Variants in MCM5 observed in about 807,000 individuals in gnomAD.
MCM5 encodes DNA replication licensing factor MCM5.
Under a neutral mutation model 79.9 loss-of-function variants are expected in MCM5, and 46 were observed. The observed-to-expected ratio is 0.58, with a 90% CI of 0.45 to 0.74. MCM5 has a LOEUF of 0.74. MCM5 is among the 30% of genes least tolerant of loss of function. MCM5 has a pLI of 0.00. For synonymous variants in MCM5, 404 were observed against 390.5 expected, an observed-to-expected ratio of 1.03 and a Z score of -0.41; for missense variants, 883 against 1,017.0, an observed-to-expected ratio of 0.87 and a Z score of 1.79.
intron 11 of MCM5, 46 bp from the exon 12 acceptor site, chr22:35,416,592 C>A: frequency 1.4e-6 from 2 of 1,454,858 alleles, no homozygotes; most frequent in Non-Finnish European, 1.9e-6. Context: ...TATAAGAAGG[C>A]ATCTTTGCCA....
chr22:35,413,688 C>A (rs1932454239), intron 8 of MCM5, among the ~76,000 whole-genome samples, 187 bp from the exon 9 acceptor site: 1 of 152,186 alleles, frequency 6.6e-6, no homozygotes, highest in South Asian at 2.1e-4. Flanking sequence ...GCAAGACCTA[C>A]CATGGTTTGG....
In MCM5 at chr22:35,417,827, G is replaced by A. The variant is rs762695840; in HGVS notation, c.1674G>A (p.Lys558=). The change falls in exon 13 of 17, where the codon AAG becomes AAA. Residue 558 remains lysine, a synonymous_variant. Transcript: ENST00000216122. The part of the protein sequence containing the change: ...QAVEGEIDLA[K]LKKFIAYCRV... Reference sequence around the variant, plus strand: ...TGGAGGGCGAGATTGACCTGGCCAAGCTGAAGAAGTTTATTGCCTACTGCC... The same window carrying A: ...TGGAGGGCGAGATTGACCTGGCCAAACTGAAGAAGTTTATTGCCTACTGCC... 4 of 1,614,172 alleles carry A rather than the reference G, an allele frequency of 2.5e-6. No individual in the cohort carries two copies. In the East Asian group the frequency reaches 8.9e-5, roughly 36 times the overall value.
At chr22:35,453,819 T>TATATATATAGAGAGAGAG in the MCM5 span, among the ~76,000 whole-genome samples, 41 of 81,532 alleles carry the variant, frequency 5.0e-4, 1 homozygote, top group African/African-American at 2.1e-3. Flanking sequence ...TATATATATA[T>TATATATATAGAGAGAGAG]AGAGAGAGAG....
At chr22:35,437,664 C>A in the MCM5 span, among the ~76,000 whole-genome samples, 1 of 152,100 alleles carries the variant, frequency 6.6e-6, no homozygotes, top group Non-Finnish European at 1.5e-5. Context: ...GGAAAGAAGA[C>A]GGGTTACAGA....
rs1260295912 is a variant in MCM5, at chr22:35,408,560, A to G, written c.749A>G (p.Asp250Gly). 8.7e-6 allele frequency: 14 copies of G among 1,606,578 alleles called. No homozygotes were observed. Among genetic ancestry groups the G allele is most frequent in the Non-Finnish European group, 1.7e-6 (2 of 1,173,930 alleles). Reference protein sequence around the residue: ...EMPRHMQLYCDRYLCDKVVPG... With the variant: ...EMPRHMQLYCGRYLCDKVVPG... ...CCCAGACACATGCAGCTCTACTGCG[A>G]CAGGTGAGGCAGACGGGCTGGGAGG... Residue 250 changes from aspartate to glycine, a missense_variant, in exon 6 of 17, where the codon GAC (aspartate) becomes GGC (glycine). Around this residue, in one of 3 missense-constraint regions of MCM5, gnomAD observed 455 missense variants for 517.5 expected, o/e 0.88. Coordinates refer to ENST00000216122, the MANE Select transcript of MCM5 (RefSeq NM_006739.4).
the MCM5 span, among the ~76,000 whole-genome samples, chr22:35,437,653 G>A: frequency 6.6e-6 from 1 of 152,184 alleles, no homozygotes; most frequent in Non-Finnish European, 1.5e-5. Flanking sequence ...AGATGAAAGA[G>A]GGAAAGAAGA....
intron 13 of MCM5, among the ~76,000 whole-genome samples, chr22:35,419,294 C>T (rs1483898454): frequency 6.6e-6 from 1 of 152,174 alleles, no homozygotes; most frequent in African/African-American, 2.4e-5. Flanking sequence ...GCTTTCCCTA[C>T]ATCAGTGACT....
the MCM5 span, among the ~76,000 whole-genome samples, chr22:35,448,008 AAAC>A: frequency 6.6e-6 from 1 of 152,140 alleles, no homozygotes; most frequent in Non-Finnish European, 1.5e-5. Flanking sequence ...AAACTACAAG[AAAC>A]AACAACGCCC....
intron 13 of MCM5, among the ~76,000 whole-genome samples, chr22:35,419,325 G>A (rs553972670): frequency 6.6e-6 from 1 of 152,314 alleles, no homozygotes; most frequent in East Asian, 1.9e-4. Context: ...CTGGGGGCTA[G>A]AGGGGAGGGG....
chr22:35,449,957 CT>C, the MCM5 span, among the ~76,000 whole-genome samples: 7 of 151,982 alleles, frequency 4.6e-5, no homozygotes, highest in African/African-American at 1.4e-4. Flanking sequence ...AATTAAAAAT[CT>C]TTTTTTGTAA....
At chr22:35,440,783 T>C in the MCM5 span, among the ~76,000 whole-genome samples, 1 of 151,900 alleles carries the variant, frequency 6.6e-6, no homozygotes, top group East Asian at 1.9e-4. Flanking sequence ...CCTGCCTGGG[T>C]GTGGTGGCTC....
At position 35,408,521 on chromosome 22, in the gene MCM5, C is replaced by T. The variant is rs1297692045; in HGVS notation, c.710C>T (p.Pro237Leu). The change falls in exon 6 of 17, where the codon CCC becomes CTC. Residue 237 changes from proline to leucine, a missense_variant. Physicochemically the swap from Pro to Leu is moderately conservative, Grantham distance 98 (BLOSUM62 -3). Coordinates refer to ENST00000216122, the MANE Select transcript of MCM5 (RefSeq NM_006739.4). ...CTGCAGGAGCTGCCTGATGCAGTCC[C>T]CCACGGGGAGATGCCCAGACACATG... ...LKLQELPDAVPHGEMPRHMQL... is the reference protein window; with the variant it reads ...LKLQELPDAVLHGEMPRHMQL... The T allele has an allele frequency of 1.9e-6, 3 of 1,614,028 alleles. No individual in the cohort carries two copies. The highest frequency in any genetic ancestry group is 2.5e-6 in the Non-Finnish European group (3 of 1,180,004).
chr22:35,438,916 TATTCATCCATCCATCCATCC>T, the MCM5 span, among the ~76,000 whole-genome samples: 1 of 98,702 alleles, frequency 1.0e-5, no homozygotes, highest in Non-Finnish European at 2.0e-5. Flanking sequence ...TCCACTCACA[TATTCATCCATCCATCCATCC>T]ATTCATCCAT....
the MCM5 span, among the ~76,000 whole-genome samples, chr22:35,437,204 A>G: frequency 1.4e-5 from 2 of 141,140 alleles, no homozygotes; most frequent in Non-Finnish European, 3.1e-5. Flanking sequence ...AGTGCCCCGA[A>G]CATACTGGGT....
At chr22:35,408,344 G>T (rs2145788089) in intron 5 of MCM5, 64 bp from the exon 6 acceptor site, 5 of 1,507,938 alleles carry the variant, frequency 3.3e-6, no homozygotes, top group Middle Eastern at 1.7e-4. Flanking sequence ...CTCCTGGGAT[G>T]AATGAGCCCT....
At position 35,406,010 on chromosome 22, in the gene MCM5, C is replaced by T. The variant is rs550663543; in HGVS notation, c.424-543C>T. 3.2e-5 allele frequency among the ~76,000 whole-genome samples: 4 copies of T among 124,868 alleles called. No homozygotes were observed. In the South Asian group the frequency reaches 1.0e-3, roughly 31 times the overall value. 81.9% of individuals were successfully genotyped at this position (124,868 alleles called of 152,430 possible). ...TTGGCGACACAGCAAGACTCTGTCT[C>T]AAAAAAAAAAAAAGAAAAAAGAAAA... On this transcript the variant is annotated intron_variant, in intron 4 of 16. Coordinates refer to ENST00000216122, the MANE Select transcript of MCM5 (RefSeq NM_006739.4).
At chr22:35,419,406 C>T (rs562701747) in intron 13 of MCM5, among the ~76,000 whole-genome samples, 1 of 152,196 alleles carries the variant, frequency 6.6e-6, no homozygotes, top group Non-Finnish European at 1.5e-5. Flanking sequence ...GTGCTCCCAG[C>T]CCCTGGACTG....
rs755650097 is a variant in MCM5, at chr22:35,421,457, T to C, written c.1972T>C (p.Ser658Pro). 6.2e-7 allele frequency: 1 copy of C among 1,614,120 alleles called. No individual in the cohort carries two copies. Among genetic ancestry groups the C allele is most frequent in the Non-Finnish European group, 8.5e-7 (1 of 1,180,024 alleles). ...TLDAALSGTL[S>P]GVEGFTSQED... The stretch of plus-strand genomic sequence containing the variant: ...GGATGCTGCCTTGTCCGGTACCCTG[T>C]CAGGTGAGCAGATGCAGGGGCCATG... Residue 658 changes from serine (S) to proline (P), a missense_variant, in exon 15 of 17, where the codon TCA becomes CCA. Coordinates refer to ENST00000216122, the MANE Select transcript of MCM5 (RefSeq NM_006739.4).
In MCM5 at chr22:35,408,545, T is replaced by C. The variant is rs1219880322; in HGVS notation, c.734T>C (p.Met245Thr). 1 of 1,612,658 alleles carries C rather than the reference T, an allele frequency of 6.2e-7. No homozygotes were observed. The highest frequency in any genetic ancestry group is 2.2e-5 in the East Asian group (1 of 44,832). ...CCCCACGGGGAGATGCCCAGACACATGCAGCTCTACTGCGACAGGTGAGGC... is the reference window on the plus strand; with the variant it reads ...CCCCACGGGGAGATGCCCAGACACACGCAGCTCTACTGCGACAGGTGAGGC... Reference protein sequence around the residue: ...AVPHGEMPRHMQLYCDRYLCD... With the variant: ...AVPHGEMPRHTQLYCDRYLCD... Residue 245 changes from methionine to threonine, a missense_variant, in exon 6 of 17, where the codon ATG becomes ACG. Physicochemically the swap from Met to Thr is moderately conservative, Grantham distance 81. Coordinates refer to ENST00000216122, the MANE Select transcript of MCM5 (RefSeq NM_006739.4).
Sources: allele counts gnomAD v4.1 joint callset (sites outside exome capture counted in the v4.1 genomes callset), GRCh38; gene constraint gnomAD v4.1.1; regional missense constraint gnomAD v4.1.1; transcripts MANE v1.5; gene names NCBI Gene and HGNC (gene_info 2026-07-23, HGNC 2026-07-21).